The following AKAP9 variants were observed in gnomAD, a reference collection of about 807,000 sequenced individuals.
The protein encoded by AKAP9 is A-kinase anchor protein 9.
A neutral mutation model predicts 488.5 loss-of-function variants in AKAP9; 311 were observed. That is an observed-to-expected ratio of 0.64 (90% CI 0.58 to 0.70). The LOEUF (loss-of-function observed/expected upper bound fraction) is 0.70, where lower values mean the gene tolerates loss of function less well. Among genes scored for constraint, AKAP9 ranks in the 30% least tolerant of loss-of-function variants. The pLI, the probability that AKAP9 is intolerant of heterozygous loss-of-function variation, is 0.00. For missense variants in AKAP9, 4,215 were observed against 4,374.5 expected (o/e 0.96, Z 1.03); for synonymous variants, 1,462 against 1,483.5 (o/e 0.99, Z 0.33).
Position 92,080,133 on chromosome 7 carries a change from A to G in AKAP9, c.8000A>G (p.Gln2667Arg), listed in dbSNP as rs778692979. The change falls in exon 31 of 50, where the codon CAA becomes CGA. Residue 2667 changes from glutamine (Q) to arginine (R), a missense_variant. Gln to Arg is a conservative substitution (Grantham distance 43). Around this residue, in one of 5 missense-constraint regions of AKAP9, gnomAD observed 1,476 missense variants for 1,477.4 expected, o/e 1.00. Coordinates refer to ENST00000356239, the MANE Select transcript of AKAP9 (RefSeq NM_005751.5). ...GAGAAAGAAAAGAAAAGAAGCCCTC[A>G]AGATGTTGAAGTTCTCAAGGTTAGT... ...QREKEKKRSP[Q>R]DVEVLKTTTE... 1.9e-6 allele frequency: 3 copies of G among 1,590,924 alleles called. No homozygotes were observed. The highest frequency in any genetic ancestry group is 2.6e-6 in the Non-Finnish European group (3 of 1,173,932).
At chr7:91,999,407 G>A (rs1798850717) in intron 7 of AKAP9, among the ~76,000 whole-genome samples, 1 of 152,048 alleles carries the variant, frequency 6.6e-6, no homozygotes, top group Admixed American at 6.5e-5. Context: ...TTTATTTTTA[G>A]TAGAGACAGG....
chr7:92,007,186 C>G (rs1477647884), intron 8 of AKAP9, among the ~76,000 whole-genome samples: 1 of 142,812 alleles, frequency 7.0e-6, no homozygotes, highest in Non-Finnish European at 1.5e-5. Flanking sequence ...ATTGCAAAGA[C>G]AAAAAGATAT....
At chr7:92,035,198 G>T (rs1044181476) in intron 16 of AKAP9, among the ~76,000 whole-genome samples, 1 of 152,246 alleles carries the variant, frequency 6.6e-6, no homozygotes, top group South Asian at 2.1e-4. Context: ...TATTTCCCCC[G>T]TGACTTCCTC....
intron 16 of AKAP9, among the ~76,000 whole-genome samples, chr7:92,035,172 T>C (rs1804983600): frequency 6.6e-6 from 1 of 152,282 alleles, no homozygotes; most frequent in South Asian, 2.1e-4. Flanking sequence ...CAAATTTTCA[T>C]TCAATCCAAA....
chr7:92,085,472 G>C (rs750896077), intron 35 of AKAP9, 23 bp from the exon 36 acceptor site: 59 of 1,610,290 alleles, frequency 3.7e-5, no homozygotes, highest in Non-Finnish European at 5.0e-5. Context: ...TCATAATTCT[G>C]GCTCTTGGGT....
At chr7:92,092,870 CTCCT>C (rs1193202206) in intron 38 of AKAP9, 1 of 461,846 alleles carries the variant, frequency 2.2e-6, no homozygotes, top group Non-Finnish European at 3.9e-6. Flanking sequence ...TGGTCTTGAA[CTCCT>C]GGCCTTAAGC....
chr7:92,004,159 C>T (rs909906194), intron 8 of AKAP9, among the ~76,000 whole-genome samples: 1 of 152,136 alleles, frequency 6.6e-6, no homozygotes, highest in Non-Finnish European at 1.5e-5. Flanking sequence ...TTCCATTGGT[C>T]TATATCTCTG....
chr7:92,062,276 G>C lies in AKAP9; in HGVS notation c.5767G>C (p.Val1923Leu), dbSNP rs755463664. 1.2e-6 allele frequency: 2 copies of C among 1,609,924 alleles called. No individual in the cohort carries two copies. Among genetic ancestry groups the C allele is most frequent in the Non-Finnish European group, 1.7e-6 (2 of 1,176,436 alleles). Residue 1923 changes from valine to leucine, a missense_variant and splice_region_variant, in exon 24 of 50, where the codon GTC becomes CTC. Val to Leu is a conservative substitution (Grantham distance 32). This residue lies in a region of AKAP9 where 2,361 missense variants were observed against 2,430.0 expected (regional missense o/e 0.97). Coordinates refer to ENST00000356239, the MANE Select transcript of AKAP9 (RefSeq NM_005751.5). The stretch of plus-strand genomic sequence containing the variant: ...TTTCTGTTAATTTTGTATTATAGGC[G>C]TCATTGATGGCTATGCAGATGAAAA... ...LAVELSKAEG[V>L]IDGYADEKTL...
In AKAP9 at chr7:92,052,824, C is replaced by G. The variant is rs1376036983; in HGVS notation, c.5467C>G (p.Gln1823Glu). The G allele has an allele frequency of 2.5e-6, 4 of 1,613,718 alleles. No homozygotes were observed. In the African/African-American group the frequency reaches 5.3e-5, roughly 22 times the overall value. ...KVTEEGTELS[Q>E]RLVRSGFAGT... is the part of the protein sequence containing the mutation. ...AACTGAGGAAGGAACAGAGCTGTCA[C>G]AACGACTTGTGAGGAGTGGTTTTGC... The change falls in exon 22 of 50, where the codon CAA (glutamine) becomes GAA (glutamate). Residue 1823 changes from glutamine to glutamate, a missense_variant. Physicochemically the swap from Gln to Glu is conservative, Grantham distance 29 (BLOSUM62 2). Transcript: ENST00000356239.
At chr7:92,082,127 GT>G (rs1293842846) in intron 31 of AKAP9, among the ~76,000 whole-genome samples, 3 of 152,140 alleles carry the variant, frequency 2.0e-5, no homozygotes, top group Admixed American at 6.5e-5. Flanking sequence ...TAGAGACAGG[GT>G]TTCGCCACGT....
At chr7:92,101,670 T>C (rs1817541716) in intron 45 of AKAP9, among the ~76,000 whole-genome samples, 1 of 152,186 alleles carries the variant, frequency 6.6e-6, no homozygotes, top group East Asian at 1.9e-4. Context: ...ACAAAAGCTC[T>C]ACTATTGTCA....
chr7:92,101,133 T>A, intron 45 of AKAP9, 77 bp downstream of exon 45: 1 of 1,427,600 alleles, frequency 7.0e-7, no homozygotes, highest in East Asian at 2.3e-5. Flanking sequence ...TGACCTTAAA[T>A]AAACAGTCTA....
At chr7:92,033,020 A>G (rs868091237) in intron 16 of AKAP9, among the ~76,000 whole-genome samples, 1 of 152,222 alleles carries the variant, frequency 6.6e-6, no homozygotes, top group Non-Finnish European at 1.5e-5. Context: ...AGCAATTTTT[A>G]TAAGGATTCA....
At chr7:92,064,625 C>G (rs1810464249) in intron 24 of AKAP9, among the ~76,000 whole-genome samples, 1 of 152,148 alleles carries the variant, frequency 6.6e-6, no homozygotes, top group Non-Finnish European at 1.5e-5. Context: ...CACACTACCT[C>G]TCATACATGT....
At chr7:92,105,584 A>G (rs186963695) in intron 46 of AKAP9, 94 bp from the exon 47 acceptor site, 33 of 902,926 alleles carry the variant, frequency 3.7e-5, no homozygotes, top group African/African-American at 3.6e-4. Flanking sequence ...CATTTGTTCT[A>G]TGTTCATATT....
intron 49 of AKAP9, 56 bp downstream of exon 49, chr7:92,108,689 CCT>C: frequency 6.2e-7 from 1 of 1,604,832 alleles, no homozygotes. Flanking sequence ...CCACAGCTCC[CCT>C]TTCTTTGAAA....
intron 2 of AKAP9, among the ~76,000 whole-genome samples, chr7:91,979,866 G>GA (rs750541648): frequency 9.9e-5 from 15 of 152,124 alleles, no homozygotes; most frequent in Non-Finnish European, 1.2e-4. Context: ...TAAAACTTAT[G>GA]AATTGTTTAT....
Position 92,102,778 on chromosome 7 carries a change from G to T in AKAP9, c.11282G>T (p.Gly3761Val), listed in dbSNP as rs1240832304. 2 of 1,614,190 alleles carry T rather than the reference G, an allele frequency of 1.2e-6. No individual in the cohort carries two copies. The highest frequency in any genetic ancestry group is 2.7e-5 in the African/African-American group (2 of 75,044). Residue 3761 changes from glycine to valine, a missense_variant, in exon 46 of 50, where the codon GGC becomes GTC. Physicochemically the swap from Gly to Val is moderately radical, Grantham distance 109. Coordinates refer to ENST00000356239, the MANE Select transcript of AKAP9 (RefSeq NM_005751.5). ...GAGGTGATCACCAATCGCCCAAAGG[G>T]CTTCACCAGGTTTCGGTCGGCCGTC... ...DLEVITNRPK[G>V]FTRFRSAVRV...
chr7:92,096,658 C>T, intron 40 of AKAP9, 31 bp from the exon 41 acceptor site: 1 of 1,612,616 alleles, frequency 6.2e-7, no homozygotes, highest in Non-Finnish European at 8.5e-7. Flanking sequence ...ATAATATTAA[C>T]AAGTTCTTAA....
Sources: gnomAD v4.1 joint callset for allele counts (sites outside exome capture counted in the v4.1 genomes callset) on GRCh38, gnomAD v4.1.1 for gene constraint, gnomAD v4.1.1 regional missense constraint, MANE v1.5 for transcripts, NCBI Gene and HGNC (gene_info 2026-07-23, HGNC 2026-07-21) for gene names.